Variants in CYP4F22 observed in about 807,000 individuals in gnomAD.
CYP4F22 encodes the protein cytochrome P450 family 4 subfamily F member 22.
In CYP4F22, 37 loss-of-function variants were observed where a neutral mutation model predicts 60.4. The ratio of observed to expected loss-of-function variants is 0.61; its 90% CI spans 0.47 to 0.81. The LOEUF (loss-of-function observed/expected upper bound fraction) is 0.81, where lower values mean the gene tolerates loss of function less well. Ranked by LOEUF, CYP4F22 falls within the 30% of genes least tolerant of loss-of-function variation. CYP4F22 has a pLI of 0.00. For synonymous variants in CYP4F22, 258 were observed against 280.5 expected (o/e 0.92, Z 0.80); for missense variants, 655 against 715.0 (o/e 0.92, Z 0.96).
At chr19:15,514,544 G>C (rs1389953702) in intron 1 of CYP4F22, among the ~76,000 whole-genome samples, 1 of 152,032 alleles carries the variant, frequency 6.6e-6, no homozygotes, top group Non-Finnish European at 1.5e-5. Flanking sequence ...AAACTAGCTG[G>C]GTGTGGTGGC....
intron 1 of CYP4F22, among the ~76,000 whole-genome samples, chr19:15,520,831 G>A (rs868400710): frequency 3.1e-4 from 47 of 151,158 alleles, no homozygotes; most frequent in Non-Finnish European, 1.5e-5. Flanking sequence ...GCAGTGGCAC[G>A]ATCTCGGCTC....
At chr19:15,534,962 T>G (rs1488667053) in intron 4 of CYP4F22, among the ~76,000 whole-genome samples, 1 of 152,148 alleles carries the variant, frequency 6.6e-6, no homozygotes, top group East Asian at 1.9e-4. Flanking sequence ...AAGCAGGAAC[T>G]GGACAGCAAA....
intron 8 of CYP4F22, among the ~76,000 whole-genome samples, chr19:15,542,481 G>A (rs1555729499): frequency 6.6e-6 from 1 of 152,160 alleles, no homozygotes; most frequent in Non-Finnish European, 1.5e-5. Context: ...AGGTTGTAGT[G>A]AGCCAAGATT....
In CYP4F22 at chr19:15,547,018, GTTT is replaced by G. The variant is rs71176432; in HGVS notation, c.1137-1070_1137-1068del. On this transcript the variant is annotated intron_variant, in intron 10 of 13. Coordinates refer to ENST00000269703, the MANE Select transcript of CYP4F22 (RefSeq NM_173483.4). ...GAGCCACCATGCCTGGCCTGCACCA[GTTT>G]TTTTTTTTTTTTTTTTTTTAAGACA... is the stretch of plus-strand genomic sequence containing the variant. Among the ~76,000 whole-genome samples the G allele has an allele frequency of 5.0e-3, 413 of 82,310 alleles. 10 individuals are homozygous for G. The highest frequency in any genetic ancestry group is 0.022 in the African/African-American group (382 of 17,592). The allele number at this position is 82,310 out of a possible 152,430, so 54.0% of individuals were successfully genotyped here. A position where few individuals can be genotyped will look rare whatever the true frequency, so the allele number is the denominator to read the frequency against.
chr19:15,524,017 G>A (rs1316381171), intron 2 of CYP4F22, among the ~76,000 whole-genome samples: 1 of 150,130 alleles, frequency 6.7e-6, no homozygotes, highest in Non-Finnish European at 1.5e-5. Flanking sequence ...TCGTGATCAT[G>A]CCACTGCACT....
chr19:15,530,479 C>T (rs1015664879), intron 4 of CYP4F22, among the ~76,000 whole-genome samples: 1 of 152,168 alleles, frequency 6.6e-6, no homozygotes, highest in African/African-American at 2.4e-5. Context: ...GCTCTATCTT[C>T]CTCATGAGCG....
chr19:15,529,320 C>T (rs1396796782), intron 3 of CYP4F22, among the ~76,000 whole-genome samples: 1 of 151,610 alleles, frequency 6.6e-6, no homozygotes, highest in Non-Finnish European at 1.5e-5. Flanking sequence ...GTAGAGATGG[C>T]CTTTCACCAT....
At chr19:15,539,441 T>A (rs1344163439) in intron 7 of CYP4F22, among the ~76,000 whole-genome samples, 1 of 152,240 alleles carries the variant, frequency 6.6e-6, no homozygotes, top group African/African-American at 2.4e-5. Context: ...CAGTCACCCA[T>A]CGATGGACAC....
At position 15,551,391 on chromosome 19, in the gene CYP4F22, G is replaced by GT. The variant is rs1429251721; in HGVS notation, c.1517dup (p.Arg507AlafsTer73). 6.2e-7 allele frequency: 1 copy of GT among 1,608,814 alleles called. No homozygotes were observed. The highest frequency in any genetic ancestry group is 8.5e-7 in the Non-Finnish European group (1 of 1,177,668). On this transcript the variant is annotated frameshift_variant, in exon 14 of 14. Coordinates refer to ENST00000269703, the MANE Select transcript of CYP4F22 (RefSeq NM_173483.4). LOFTEE classifies it high-confidence loss of function. ...CCTGAGCGTGGACCGAACGCGCAAG[G>GT]TGCGGCGGAAGCCGGAGCTCATACT...
At chr19:15,550,213 G>A (rs1393675759) in intron 12 of CYP4F22, among the ~76,000 whole-genome samples, 1 of 152,030 alleles carries the variant, frequency 6.6e-6, no homozygotes, top group Non-Finnish European at 1.5e-5. Flanking sequence ...TTACAAGCGT[G>A]AGCCACCGCG....
intron 9 of CYP4F22, 31 bp downstream of exon 9, chr19:15,544,068 C>T: frequency 6.2e-7 from 1 of 1,614,004 alleles, no homozygotes; most frequent in Non-Finnish European, 8.5e-7. Context: ...TGGAGGAGGG[C>T]AGGAAGGGAC....
rs369804792 is a variant in CYP4F22, at chr19:15,549,106, C to G, written c.1271-32C>G. On this transcript the variant is annotated intron_variant, in intron 11 of 13. Transcript: ENST00000269703. ...GTTTCTGGAGGAGGCCCTGGCTCCCCTTGGCCCCACTGATCCCATCTTTCC... is the reference window on the plus strand; with the variant it reads ...GTTTCTGGAGGAGGCCCTGGCTCCCGTTGGCCCCACTGATCCCATCTTTCC... The G allele has an allele frequency of 4.3e-6, 7 of 1,613,656 alleles. No homozygotes were observed. In the African/African-American group the frequency reaches 5.3e-5, roughly 12 times the overall value.
Position 15,551,551 on chromosome 19 carries a change from G to T in CYP4F22, c.*80G>T. ...AGGACTCGCCCCAAAGATCCCGAGG[G>T]CATAGGCCACCCCCCTCGAAGTTCA... On this transcript the variant is annotated 3_prime_UTR_variant, in exon 14 of 14. Coordinates refer to ENST00000269703, the MANE Select transcript of CYP4F22 (RefSeq NM_173483.4). 6.7e-7 allele frequency: 1 copy of T among 1,486,056 alleles called. No individual in the cohort carries two copies. The highest frequency in any genetic ancestry group is 1.4e-5 in the African/African-American group (1 of 71,756). The allele number at this position is 1,486,056 out of a possible 1,614,324, so 92.1% of individuals were successfully genotyped here.
intron 1 of CYP4F22, among the ~76,000 whole-genome samples, chr19:15,522,864 C>A (rs1971241130): frequency 6.6e-6 from 1 of 151,962 alleles, no homozygotes; most frequent in Non-Finnish European, 1.5e-5. Flanking sequence ...GCGCACGCCA[C>A]CACGCCCGGC....
At chr19:15,533,815 G>A (rs1202946873) in intron 4 of CYP4F22, among the ~76,000 whole-genome samples, 1 of 151,732 alleles carries the variant, frequency 6.6e-6, no homozygotes, top group East Asian at 1.9e-4. Context: ...TGTTGTCCAG[G>A]TTGGTCATTA....
At chr19:15,516,284 C>T (rs1352044401) in intron 1 of CYP4F22, among the ~76,000 whole-genome samples, 3 of 152,198 alleles carry the variant, frequency 2.0e-5, no homozygotes, top group African/African-American at 7.2e-5. Context: ...CATGCCCTTT[C>T]CTTATTTGGA....
intron 4 of CYP4F22, among the ~76,000 whole-genome samples, chr19:15,535,948 A>T (rs1279861762): frequency 6.6e-6 from 1 of 152,214 alleles, no homozygotes; most frequent in African/African-American, 2.4e-5. Flanking sequence ...TCAAGTTCTC[A>T]TACAGGATGA....
intron 4 of CYP4F22, among the ~76,000 whole-genome samples, chr19:15,533,168 G>A (rs1971361671): frequency 6.6e-6 from 1 of 152,148 alleles, no homozygotes; most frequent in Non-Finnish European, 1.5e-5. Context: ...ATGAGAGAAA[G>A]TAGATAAACA....
intron 7 of CYP4F22, among the ~76,000 whole-genome samples, chr19:15,538,386 T>G (rs1274823591): frequency 6.6e-6 from 1 of 152,208 alleles, no homozygotes; most frequent in Non-Finnish European, 1.5e-5. Flanking sequence ...TCTTACTTTC[T>G]GAGAGATGCT....
Sources: allele counts gnomAD v4.1 joint callset (sites outside exome capture counted in the v4.1 genomes callset), GRCh38; gene constraint gnomAD v4.1.1; transcripts MANE v1.5; gene names NCBI Gene and HGNC (gene_info 2026-07-23, HGNC 2026-07-21).